FLVCR2: variants seen among roughly 807,000 people sequenced by gnomAD.
FLVCR2 encodes FLVCR choline and putative heme transporter 2.
Under a neutral mutation model 48.9 loss-of-function variants are expected in FLVCR2, and 38 were observed. That is an observed-to-expected ratio of 0.78 (90% CI 0.60 to 1.02). The LOEUF is 1.02. FLVCR2 is among the 50% of genes least tolerant of loss of function. The pLI is 0.00. For synonymous variants in FLVCR2, 255 were observed against 257.0 expected (o/e 0.99, Z 0.07); for missense variants, 664 against 663.3 (o/e 1.00, Z -0.01).
intron 3 of FLVCR2, chr14:75,632,676 C>T (rs1042775869): frequency 4.3e-6 from 3 of 702,260 alleles, no homozygotes; most frequent in Non-Finnish European, 7.8e-6. Flanking sequence ...TCCTGACTTA[C>T]ACCCTTCCAA....
rs1345026281 is a variant in FLVCR2, at chr14:75,596,105, TGTTGCC to T, written c.669+16465_669+16470del. 8.1e-6 allele frequency: 8 copies of T among 989,434 alleles called. No homozygotes were observed. In the African/African-American group the frequency reaches 1.3e-4, roughly 16 times the overall value. The allele number at this position is 989,434 out of a possible 1,614,324, so 61.3% of individuals were successfully genotyped here. A position where few individuals can be genotyped will look rare whatever the true frequency, so the allele number is the denominator to read the frequency against. On this transcript the variant is annotated intron_variant, in intron 1 of 9. Transcript: ENST00000238667. ...TTTCCCAAATTTCTGTCTTAGGCAC[TGTTGCC>T]TTCCCAGGGTGAAGGATATCAATGA...
At chr14:75,580,818 G>A (rs1012795874) in intron 1 of FLVCR2, among the ~76,000 whole-genome samples, 1 of 152,284 alleles carries the variant, frequency 6.6e-6, no homozygotes, top group Non-Finnish European at 1.5e-5. Flanking sequence ...ATCAGTTAAG[G>A]CTATTTTCAC....
At chr14:75,616,254 G>A (rs2140032321) in intron 1 of FLVCR2, among the ~76,000 whole-genome samples, 1 of 151,580 alleles carries the variant, frequency 6.6e-6, no homozygotes, top group African/African-American at 2.4e-5. Flanking sequence ...TTGAACCCAG[G>A]AGGCGGAGGT....
At chr14:75,620,376 T>A (rs955018862) in intron 1 of FLVCR2, among the ~76,000 whole-genome samples, 1 of 152,174 alleles carries the variant, frequency 6.6e-6, no homozygotes, top group African/African-American at 2.4e-5. Context: ...GAGATCTGCT[T>A]TCTCACCTCC....
chr14:75,585,503 G>T (rs1035137400), intron 1 of FLVCR2, among the ~76,000 whole-genome samples: 18 of 152,084 alleles, frequency 1.2e-4, no homozygotes, highest in Non-Finnish European at 1.9e-4. Context: ...AGGGTGGAAG[G>T]TTGCCCATAG....
chr14:75,581,356 G>C (rs1888601464), intron 1 of FLVCR2, among the ~76,000 whole-genome samples: 2 of 152,176 alleles, frequency 1.3e-5, no homozygotes, highest in South Asian at 2.1e-4. Flanking sequence ...GAGTTTTTGG[G>C]CTCTATTCTT....
At chr14:75,624,528 G>A (rs1160101158) in intron 2 of FLVCR2, 84 bp from the exon 3 acceptor site, 2 of 1,486,376 alleles carry the variant, frequency 1.3e-6, no homozygotes, top group Admixed American at 3.3e-5. Context: ...CTCAGATGAT[G>A]GAGCAGCTTT....
intron 1 of FLVCR2, among the ~76,000 whole-genome samples, chr14:75,615,179 G>T (rs1566790276): frequency 6.6e-6 from 1 of 152,224 alleles, no homozygotes; most frequent in South Asian, 2.1e-4. Context: ...AGGTCGGGCA[G>T]AGGAGAGATC....
chr14:75,609,100 T>C (rs17783156), intron 1 of FLVCR2, among the ~76,000 whole-genome samples: 11,262 of 152,126 alleles, frequency 0.074, 582 homozygotes, highest in Non-Finnish European at 0.11. Context: ...CACCATAGCC[T>C]TTATTTTATT....
chr14:75,605,143 T>C (rs1405061348), intron 1 of FLVCR2, among the ~76,000 whole-genome samples: 1 of 152,174 alleles, frequency 6.6e-6, no homozygotes, highest in Non-Finnish European at 1.5e-5. Flanking sequence ...AGGATGTCCT[T>C]CCCTTGACTT....
At chr14:75,582,400 G>A (rs1961832) in intron 1 of FLVCR2, among the ~76,000 whole-genome samples, 36,906 of 152,092 alleles carry the variant, frequency 0.24, 4,736 homozygotes, top group South Asian at 0.33. Flanking sequence ...TTGCTGAGAG[G>A]TAGTGGAGGG....
chr14:75,604,830 A>G (rs1889251394), intron 1 of FLVCR2, among the ~76,000 whole-genome samples: 1 of 152,194 alleles, frequency 6.6e-6, no homozygotes, highest in African/African-American at 2.4e-5. Flanking sequence ...GAAGTATCCC[A>G]GTAGTATCCT....
At chr14:75,623,143 G>A (rs148950268) in intron 2 of FLVCR2, among the ~76,000 whole-genome samples, 8,695 of 151,998 alleles carry the variant, frequency 0.057, 527 homozygotes, top group East Asian at 0.33. Flanking sequence ...CACCATGTCC[G>A]GCTAATTTTT....
At chr14:75,620,706 C>T (rs890882995) in intron 1 of FLVCR2, among the ~76,000 whole-genome samples, 1 of 152,172 alleles carries the variant, frequency 6.6e-6, no homozygotes, top group African/African-American at 2.4e-5. Flanking sequence ...TGATTACATA[C>T]TGGTATAAAG....
chr14:75,625,671 G>A (rs1461675600), intron 3 of FLVCR2, among the ~76,000 whole-genome samples: 2 of 151,986 alleles, frequency 1.3e-5, no homozygotes, highest in Non-Finnish European at 2.9e-5. Context: ...ATGAAACAAA[G>A]AAATGAAATT....
chr14:75,633,010 C>T (rs1890082875), intron 3 of FLVCR2: 10 of 701,648 alleles, frequency 1.4e-5, no homozygotes, highest in East Asian at 2.7e-5. Flanking sequence ...TGACCTTATT[C>T]GCTAAAGATA....
intron 1 of FLVCR2, among the ~76,000 whole-genome samples, chr14:75,608,344 C>T (rs73305490): frequency 9.0e-4 from 137 of 152,306 alleles, no homozygotes; most frequent in African/African-American, 3.2e-3. Flanking sequence ...AGCTGTTCGG[C>T]GGCTCCAGGA....
rs1296908964 is a variant in FLVCR2, at chr14:75,638,529, A to G, written c.1125-823A>G. ...GGGACAGGAAGAACTTGTAGGTGACAGAGCACATTGCCCAGCATTGTCATG... is the reference window on the plus strand; with the variant it reads ...GGGACAGGAAGAACTTGTAGGTGACGGAGCACATTGCCCAGCATTGTCATG... On this transcript the variant is annotated intron_variant, in intron 5 of 9. Coordinates refer to ENST00000238667, the MANE Select transcript of FLVCR2 (RefSeq NM_017791.3). Among the ~76,000 whole-genome samples the G allele has an allele frequency of 2.0e-5, 3 of 152,226 alleles. No homozygotes were observed. In the East Asian group the frequency reaches 5.8e-4, roughly 29 times the overall value.
At chr14:75,611,457 A>G (rs939740127) in intron 1 of FLVCR2, among the ~76,000 whole-genome samples, 1 of 152,146 alleles carries the variant, frequency 6.6e-6, no homozygotes, top group Admixed American at 6.5e-5. Flanking sequence ...ACCAGAGGCC[A>G]AGGCACAGTG....
Sources: gnomAD v4.1 joint callset for allele counts (sites outside exome capture counted in the v4.1 genomes callset) on GRCh38, gnomAD v4.1.1 for gene constraint, MANE v1.5 for transcripts, NCBI Gene and HGNC (gene_info 2026-07-23, HGNC 2026-07-21) for gene names.